Variants in SPATA13 observed in about 807,000 individuals in gnomAD.
SPATA13 encodes the protein spermatogenesis associated 13.
A neutral mutation model predicts 104.0 loss-of-function variants in SPATA13; 50 were observed. The ratio of observed to expected loss-of-function variants is 0.48; its 90% CI spans 0.38 to 0.61. The LOEUF is 0.61. SPATA13 is among the 20% of genes least tolerant of loss of function. The probability of loss-of-function intolerance (pLI) is 0.00; values close to 1 mark genes in which losing one functional copy is unlikely to be tolerated. For missense variants in SPATA13, 1,524 were observed against 1,690.6 expected, an observed-to-expected ratio of 0.90 and a Z score of 1.73; for synonymous variants, 606 against 667.5, an observed-to-expected ratio of 0.91 and a Z score of 1.42.
chr13:24,087,962 T>C lies in SPATA13; in HGVS notation c.-112+70261T>C, dbSNP rs552970788. Among the ~76,000 whole-genome samples the C allele has an allele frequency of 7.2e-5, 11 of 152,364 alleles. No individual in the cohort carries two copies. The South Asian group carries it at 2.1e-3, about 29-fold the overall frequency. On this transcript the variant is annotated intron_variant, in intron 3 of 14. Coordinates refer to the SPATA13 transcript ENST00000424834. The stretch of plus-strand genomic sequence containing the variant: ...TCAGCCAGCCCAGCTCTTCCAGCTT[T>C]GGGCCTTCCTCCAGCATCTCCTCCA...
chr13:23,985,449 T>C (rs758614742), intron 2 of SPATA13, among the ~76,000 whole-genome samples: 1 of 152,234 alleles, frequency 6.6e-6, no homozygotes, highest in South Asian at 2.1e-4. Context: ...TACCTGGGTC[T>C]CCTGCATGTT....
At chr13:24,045,108 T>A (rs7997167) in intron 3 of SPATA13, among the ~76,000 whole-genome samples, 35,840 of 144,378 alleles carry the variant, frequency 0.25, 4,818 homozygotes, top group African/African-American at 0.39. Context: ...AAAATCACCC[T>A]ATGTATAATT....
chr13:24,038,114 C>T (rs557315891), intron 3 of SPATA13, among the ~76,000 whole-genome samples: 4 of 151,996 alleles, frequency 2.6e-5, no homozygotes, highest in Non-Finnish European at 5.9e-5. Flanking sequence ...GGGGTTTCAC[C>T]GTGTTAGCCA....
chr13:24,037,621 G>A lies in SPATA13; in HGVS notation c.-112+19920G>A, dbSNP rs140689699. ...GATGGAGTTTCACCATGTTGGCCAC[G>A]GTGGTCTCAATCTCCTGACCTCGTG... On this transcript the variant is annotated intron_variant, in intron 3 of 14. Transcript: ENST00000424834. Among the ~76,000 whole-genome samples the A allele has an allele frequency of 3.4e-3, 521 of 152,058 alleles. 2 individuals carry two copies. Among genetic ancestry groups the A allele is most frequent in the African/African-American group, 0.012 (486 of 41,466 alleles).
Position 24,216,489 on chromosome 13 carries a change from T to G in SPATA13, c.-111-6330T>G, listed in dbSNP as rs563862759. ...AAGATACGCTTATTCTAGTTGCATT[T>G]GTCCATATACTTTCAATTCACAAAC... On this transcript the variant is annotated intron_variant, in intron 1 of 12. Transcript: ENST00000382108. Among the ~76,000 whole-genome samples, 17 of 152,368 alleles carry G rather than the reference T, an allele frequency of 1.1e-4. No individual in the cohort carries two copies. The East Asian group carries it at 3.3e-3, about 29-fold the overall frequency.
At chr13:24,251,171 T>C (rs1873455289) in intron 3 of SPATA13, among the ~76,000 whole-genome samples, 1 of 152,210 alleles carries the variant, frequency 6.6e-6, no homozygotes. Context: ...AAAGCTCCAC[T>C]GCCGTGTGAG....
intron 3 of SPATA13, among the ~76,000 whole-genome samples, chr13:24,106,871 C>G (rs1438680267): frequency 6.6e-6 from 1 of 152,094 alleles, no homozygotes; most frequent in Admixed American, 6.6e-5. Context: ...CTAGATAAAG[C>G]AGATCGAGTG....
intron 3 of SPATA13, among the ~76,000 whole-genome samples, chr13:24,082,826 C>CA (rs3075296): frequency 0.041 from 2,043 of 50,078 alleles, 361 homozygotes; most frequent in African/African-American, 0.16. Flanking sequence ...GACTCCGTCT[C>CA]AAAAAAAAAA....
intron 1 of SPATA13, among the ~76,000 whole-genome samples, chr13:24,179,027 C>G (rs928184246): frequency 6.6e-6 from 1 of 152,172 alleles, no homozygotes; most frequent in African/African-American, 2.4e-5. Context: ...ATGATTCATA[C>G]AACATGTGGC....
intron 1 of SPATA13, among the ~76,000 whole-genome samples, chr13:24,212,820 G>A (rs1022672161): frequency 1.3e-5 from 2 of 152,220 alleles, no homozygotes; most frequent in Non-Finnish European, 2.9e-5. Context: ...TCATAGGTAA[G>A]GGCTCTTGCT....
At chr13:24,201,577 ATT>A (rs1870407070) in intron 1 of SPATA13, among the ~76,000 whole-genome samples, 1 of 152,064 alleles carries the variant, frequency 6.6e-6, no homozygotes, top group Non-Finnish European at 1.5e-5. Context: ...AGTAACTGGG[ATT>A]ACAGGTGCGT....
intron 3 of SPATA13, among the ~76,000 whole-genome samples, chr13:24,108,219 G>A (rs992915220): frequency 3.3e-5 from 5 of 152,204 alleles, no homozygotes; most frequent in Admixed American, 2.0e-4. Context: ...TTTAATCACC[G>A]CCTAAAGGCT....
chr13:24,288,880 A>G, intron 7 of SPATA13, 119 bp from the exon 8 acceptor site: 4 of 845,462 alleles, frequency 4.7e-6, no homozygotes, highest in South Asian at 2.1e-5. Flanking sequence ...TCAGAGACTC[A>G]TAGAGTCTTT....
intron 3 of SPATA13, among the ~76,000 whole-genome samples, chr13:24,141,511 C>G (rs1881761070): frequency 6.6e-6 from 1 of 152,178 alleles, no homozygotes; most frequent in Non-Finnish European, 1.5e-5. Flanking sequence ...TCCAGCTGAG[C>G]TCTAATCCTT....
intron 2 of SPATA13, among the ~76,000 whole-genome samples, chr13:23,990,115 C>G (rs1875342160): frequency 6.6e-6 from 1 of 152,190 alleles, no homozygotes. Flanking sequence ...GTCCACCACC[C>G]TGCACCTGGT....
chr13:24,000,134 A>G (rs1318407764), intron 2 of SPATA13, among the ~76,000 whole-genome samples: 1 of 152,248 alleles, frequency 6.6e-6, no homozygotes, highest in Non-Finnish European at 1.5e-5. Flanking sequence ...TGTTGATCAA[A>G]TGAGCACAAA....
At chr13:24,140,260 T>G (rs958583808) in intron 3 of SPATA13, among the ~76,000 whole-genome samples, 1 of 152,136 alleles carries the variant, frequency 6.6e-6, no homozygotes, top group Non-Finnish European at 1.5e-5. Flanking sequence ...TTCAAATCAT[T>G]GTAATCTGTG....
intron 1 of SPATA13, among the ~76,000 whole-genome samples, chr13:24,191,207 C>G (rs1159890849): frequency 1.3e-5 from 2 of 152,084 alleles, no homozygotes; most frequent in Non-Finnish European, 2.9e-5. Flanking sequence ...ATCACCTGGC[C>G]TCAAACAATC....
intron 3 of SPATA13, among the ~76,000 whole-genome samples, chr13:24,036,413 A>G (rs775413764): frequency 3.9e-5 from 6 of 152,222 alleles, no homozygotes; most frequent in Non-Finnish European, 8.8e-5. Context: ...AAAAAGGAGG[A>G]GTATGTAAGC....
Sources: gnomAD v4.1 joint callset for allele counts (sites outside exome capture counted in the v4.1 genomes callset) on GRCh38, gnomAD v4.1.1 for gene constraint, MANE v1.5 for transcripts, NCBI Gene and HGNC (gene_info 2026-07-23, HGNC 2026-07-21) for gene names.